RAB3IL1: variants seen among roughly 807,000 people sequenced by gnomAD.
RAB3IL1 encodes RAB3A interacting protein like 1.
RAB3IL1 carries 37 observed loss-of-function variants against 49.2 expected under a neutral mutation model. That is an observed-to-expected ratio of 0.75 (90% CI 0.58 to 0.99). RAB3IL1 has a LOEUF of 0.99. Among genes scored for constraint, RAB3IL1 ranks in the 50% least tolerant of loss-of-function variants. The pLI, the probability that RAB3IL1 is intolerant of heterozygous loss-of-function variation, is 0.00. For missense variants in RAB3IL1, 484 were observed against 513.0 expected, an observed-to-expected ratio of 0.94 and a Z score of 0.55; for synonymous variants, 193 against 213.9, an observed-to-expected ratio of 0.90 and a Z score of 0.85.
At chr11:61,901,828 G>T (rs985495547) in intron 8 of RAB3IL1, among the ~76,000 whole-genome samples, 2 of 152,228 alleles carry the variant, frequency 1.3e-5, no homozygotes, top group African/African-American at 4.8e-5. Flanking sequence ...AGCTTACTGC[G>T]ACCTTGCAAG....
chr11:61,922,813 AT>A (rs1337380204), upstream of RAB3IL1, among the ~76,000 whole-genome samples: 2 of 151,946 alleles, frequency 1.3e-5, no homozygotes, highest in African/African-American at 4.8e-5. Flanking sequence ...CTGGCAATGA[AT>A]TTTCCATGGC....
chr11:61,931,027 C>T, the RAB3IL1 span, among the ~76,000 whole-genome samples: 2 of 152,140 alleles, frequency 1.3e-5, no homozygotes, highest in Non-Finnish European at 2.9e-5. Flanking sequence ...TGAACTACGG[C>T]TACATCAAGG....
upstream of RAB3IL1, among the ~76,000 whole-genome samples, chr11:61,921,558 G>T (rs181181974): frequency 8.6e-4 from 131 of 152,072 alleles, 1 homozygote; most frequent in South Asian, 6.2e-4. Flanking sequence ...TCCTCTGCAG[G>T]CACCAGAGCC....
intron 9 of RAB3IL1, 99 bp downstream of exon 9, chr11:61,899,215 G>A: frequency 7.5e-7 from 1 of 1,336,336 alleles, no homozygotes; most frequent in Non-Finnish European, 1.0e-6. Flanking sequence ...TCCTAGCTGA[G>A]TCTTGCCTCC....
the RAB3IL1 span, among the ~76,000 whole-genome samples, chr11:61,926,104 C>CAAAAAAAAAAAAAAAAAAAAAAA: frequency 1.6e-5 from 1 of 64,066 alleles, no homozygotes; most frequent in African/African-American, 6.0e-5. Context: ...TCCTTCCTGC[C>CAAAAAAAAAAAAAAAAAAAAAAA]AAAAAAAAAA....
At chr11:61,935,449 G>C in the RAB3IL1 span, among the ~76,000 whole-genome samples, 1 of 150,996 alleles carries the variant, frequency 6.6e-6, no homozygotes, top group Non-Finnish European at 1.5e-5. Context: ...GAAAGAAACT[G>C]TTTCTGAGGA....
the RAB3IL1 span, among the ~76,000 whole-genome samples, chr11:61,929,013 A>G: frequency 6.6e-6 from 1 of 151,662 alleles, no homozygotes; most frequent in Admixed American, 6.6e-5. Context: ...TACAAAAAAC[A>G]AAAAAAAATT....
chr11:61,917,254 C>T (rs1939736182), intron 1 of RAB3IL1, 103 bp downstream of exon 1: 9 of 1,309,520 alleles, frequency 6.9e-6, no homozygotes, highest in Non-Finnish European at 8.8e-6. Context: ...ACAGCACCTC[C>T]GGGTGGCGGC....
the RAB3IL1 span, chr11:61,945,826 C>T: frequency 1.0e-6 from 1 of 985,140 alleles, no homozygotes; most frequent in Non-Finnish European, 1.2e-6. Context: ...CACAGTGGAT[C>T]CTCTTGCCTT....
chr11:61,939,285 G>A, the RAB3IL1 span, among the ~76,000 whole-genome samples: 12 of 152,010 alleles, frequency 7.9e-5, no homozygotes, highest in African/African-American at 2.9e-4. Context: ...ACTGCCCCAC[G>A]GATCAAAGAA....
chr11:61,923,773 A>G (rs769117805), upstream of RAB3IL1, among the ~76,000 whole-genome samples: 1 of 152,152 alleles, frequency 6.6e-6, no homozygotes, highest in Non-Finnish European at 1.5e-5. Flanking sequence ...GTGTTTGGAC[A>G]GCGCGGATGG....
chr11:61,926,354 T>G, the RAB3IL1 span, among the ~76,000 whole-genome samples: 404 of 152,222 alleles, frequency 2.7e-3, 1 homozygote, highest in Non-Finnish European at 4.6e-3. Context: ...AGTATACAGT[T>G]TAGGAGGGGA....
rs563110213 is a variant in RAB3IL1, at chr11:61,906,045, C to G, written c.657+421G>C. Among the ~76,000 whole-genome samples the G allele has an allele frequency of 6.6e-6, 1 of 152,254 alleles. No homozygotes were observed. Among genetic ancestry groups the G allele is most frequent in the South Asian group, 2.1e-4 (1 of 4,826 alleles). On this transcript the variant is annotated intron_variant, in intron 5 of 9. Transcript: ENST00000394836. The surrounding 1 kb of genome is among the most constrained non-coding windows in gnomAD (Gnocchi z 4.6). ...AACCCCTTGAGCACAGGGCTGTCAC[C>G]AGGTGGTCCTGGGGCTCGAGGCTGT...
At chr11:61,903,797 T>A (rs1461319414) in intron 7 of RAB3IL1, among the ~76,000 whole-genome samples, 1 of 152,066 alleles carries the variant, frequency 6.6e-6, no homozygotes, top group African/African-American at 2.4e-5. Context: ...AGTGCTGGGA[T>A]TACAGGTGTG....
intron 8 of RAB3IL1, among the ~76,000 whole-genome samples, chr11:61,900,331 C>T (rs912797080): frequency 9.2e-5 from 14 of 152,242 alleles, no homozygotes; most frequent in Admixed American, 2.6e-4. Flanking sequence ...AGGTAGCCGG[C>T]GGCTGTGCCC....
At chr11:61,938,562 C>T in the RAB3IL1 span, among the ~76,000 whole-genome samples, 1 of 152,170 alleles carries the variant, frequency 6.6e-6, no homozygotes, top group Non-Finnish European at 1.5e-5. Flanking sequence ...TTTCACCTAA[C>T]AGGAGAGTCC....
the RAB3IL1 span, among the ~76,000 whole-genome samples, chr11:61,929,737 C>G: frequency 6.6e-6 from 1 of 151,336 alleles, no homozygotes; most frequent in Non-Finnish European, 1.5e-5. Flanking sequence ...AGGTGTGCAC[C>G]ACCACACCCA....
At chr11:61,941,982 G>A in the RAB3IL1 span, among the ~76,000 whole-genome samples, 13 of 152,036 alleles carry the variant, frequency 8.6e-5, no homozygotes, top group Non-Finnish European at 1.2e-4. Context: ...AGGCCTAGGC[G>A]GGCAGATCAC....
Position 61,908,176 on chromosome 11 carries a change from C to T in RAB3IL1, c.142G>A (p.Ala48Thr). 7 of 1,555,604 alleles carry T rather than the reference C, an allele frequency of 4.5e-6. No individual in the cohort carries two copies. Among genetic ancestry groups the T allele is most frequent in the Non-Finnish European group, 6.1e-6 (7 of 1,152,102 alleles). Reference protein sequence around the residue: ...ALVETSAGEEAQGQEGPAAAQ... With the variant: ...ALVETSAGEETQGQEGPAAAQ... ...GCTGCGGGGCCCTCCTGGCCTTGGG[C>T]CTCCTCCCCTGCAGAGGTCTCCACC... Residue 48 changes from alanine to threonine, a missense_variant, in exon 2 of 10, where the codon GCC (alanine) becomes ACC (threonine). By Grantham distance (58) the Ala-to-Thr change is moderately conservative. Transcript: ENST00000394836.
Sources: allele counts gnomAD v4.1 joint callset (sites outside exome capture counted in the v4.1 genomes callset), GRCh38; gene constraint gnomAD v4.1.1; non-coding constraint Gnocchi (gnomAD v3.1); transcripts MANE v1.5; gene names NCBI Gene and HGNC (gene_info 2026-07-23, HGNC 2026-07-21).